KCNMA1: variants seen among roughly 807,000 people sequenced by gnomAD.
KCNMA1 encodes the protein potassium calcium-activated channel subfamily M alpha 1, also known as Calcium-activated potassium channel subunit alpha-1.
In KCNMA1, 29 loss-of-function variants were observed where a neutral mutation model predicts 140.0. The ratio of observed to expected loss-of-function variants is 0.21; its 90% CI spans 0.15 to 0.28. KCNMA1 has a LOEUF of 0.28. KCNMA1 is among the 10% of genes least tolerant of loss of function. KCNMA1 has a pLI of 1.00. For synonymous variants in KCNMA1, 612 were observed against 611.9 expected (o/e 1.00, Z 0.00); for missense variants, 880 against 1,602.2 (o/e 0.55, Z 7.70).
At chr10:77,256,158 T>C (rs1388821311) in intron 2 of KCNMA1, among the ~76,000 whole-genome samples, 1 of 152,154 alleles carries the variant, frequency 6.6e-6, no homozygotes, top group African/African-American at 2.4e-5. Context: ...GATTCAGTGA[T>C]GTGAGTATAG....
At chr10:77,500,720 A>T (rs2043553933) in intron 1 of KCNMA1, among the ~76,000 whole-genome samples, 1 of 152,228 alleles carries the variant, frequency 6.6e-6, no homozygotes, top group South Asian at 2.1e-4. Context: ...ACCCAGTAGC[A>T]GTAGAGGAGT....
intron 2 of KCNMA1, among the ~76,000 whole-genome samples, chr10:77,354,814 T>G (rs1054909153): frequency 6.6e-6 from 1 of 152,214 alleles, no homozygotes; most frequent in Non-Finnish European, 1.5e-5. Flanking sequence ...TGAGTTGTCA[T>G]AGACTGAGCA....
At chr10:76,894,222 G>A (rs2041524595) in intron 25 of KCNMA1, among the ~76,000 whole-genome samples, 1 of 151,970 alleles carries the variant, frequency 6.6e-6, no homozygotes, top group South Asian at 2.1e-4. Context: ...CCATTCAATG[G>A]AGAAGTTAAT....
intron 25 of KCNMA1, among the ~76,000 whole-genome samples, chr10:76,892,895 A>T (rs566272702): frequency 5.3e-4 from 81 of 152,354 alleles, no homozygotes; most frequent in African/African-American, 1.8e-3. Flanking sequence ...ATCCTCATTG[A>T]AATACTTACA....
At chr10:76,947,819 C>T (rs1037813710) in intron 22 of KCNMA1, among the ~76,000 whole-genome samples, 5 of 152,170 alleles carry the variant, frequency 3.3e-5, no homozygotes, top group Admixed American at 6.5e-5. Flanking sequence ...TAATGAGTAA[C>T]ATGTACTGCT....
At chr10:77,078,544 C>A (rs1181833365) in intron 13 of KCNMA1, among the ~76,000 whole-genome samples, 1 of 152,178 alleles carries the variant, frequency 6.6e-6, no homozygotes, top group Non-Finnish European at 1.5e-5. Flanking sequence ...TTACTATTTT[C>A]CTGATTCAAC....
At chr10:76,989,107 G>A (rs1386547032) in intron 19 of KCNMA1, among the ~76,000 whole-genome samples, 2 of 151,548 alleles carry the variant, frequency 1.3e-5, no homozygotes, top group Non-Finnish European at 2.9e-5. Flanking sequence ...ACAATGTTCT[G>A]ATTACTAATA....
intron 2 of KCNMA1, among the ~76,000 whole-genome samples, chr10:77,362,365 CCA>C (rs138917552): frequency 6.7e-5 from 8 of 119,044 alleles, no homozygotes; most frequent in East Asian, 2.6e-4. Flanking sequence ...CCCCCCCACC[CCA>C]CACACACACA....
At chr10:77,393,507 A>G (rs1016582214) in intron 2 of KCNMA1, among the ~76,000 whole-genome samples, 4 of 152,254 alleles carry the variant, frequency 2.6e-5, no homozygotes, top group Non-Finnish European at 5.9e-5. Context: ...CATTTTGTAG[A>G]TGAGGAAACT....
At chr10:77,146,981 G>C (rs960714266) in intron 5 of KCNMA1, among the ~76,000 whole-genome samples, 1 of 152,188 alleles carries the variant, frequency 6.6e-6, no homozygotes, top group African/African-American at 2.4e-5. Flanking sequence ...CCATGGGGAA[G>C]GGGGACTGTG....
chr10:77,514,689 C>T (rs1166531405), intron 1 of KCNMA1, among the ~76,000 whole-genome samples: 1 of 152,164 alleles, frequency 6.6e-6, no homozygotes. Flanking sequence ...TCGCTGAGCA[C>T]CTGGCAGTGG....
At chr10:77,459,077 T>C (rs1337517961) in intron 1 of KCNMA1, among the ~76,000 whole-genome samples, 1 of 152,182 alleles carries the variant, frequency 6.6e-6, no homozygotes, top group Non-Finnish European at 1.5e-5. Context: ...TGGGGGTATT[T>C]GCTGCAGGCA....
chr10:77,242,957 C>T (rs553007502), intron 3 of KCNMA1, among the ~76,000 whole-genome samples: 2 of 151,964 alleles, frequency 1.3e-5, no homozygotes, highest in South Asian at 4.2e-4. Context: ...TTCTCTCCCT[C>T]TCTCTCTTTT....
chr10:77,373,773 T>A (rs537036900), intron 2 of KCNMA1: 22 of 152,376 alleles, frequency 1.4e-4, no homozygotes, highest in African/African-American at 5.3e-4. Context: ...ATTTAATTGA[T>A]GTGGACTTTA....
chr10:77,073,027 T>C (rs1044440471), intron 14 of KCNMA1, 70 bp downstream of exon 14: 15 of 1,424,476 alleles, frequency 1.1e-5, no homozygotes, highest in Non-Finnish European at 1.1e-5. Flanking sequence ...GAGTTTAAGC[T>C]GTGCTCTCTA....
rs547832259 is a variant in KCNMA1, at chr10:77,606,210, T to G, written c.378+31055A>C. On this transcript the variant is annotated intron_variant, in intron 1 of 27. Coordinates refer to ENST00000286628, the MANE Select transcript of KCNMA1 (RefSeq NM_001161352.2). ...GCTGGCTTTAAGTTTTGGGTCCCACTGTCCCACTGTCCTAAGTCCCACTCT... is the reference window on the plus strand; with the variant it reads ...GCTGGCTTTAAGTTTTGGGTCCCACGGTCCCACTGTCCTAAGTCCCACTCT... Among the ~76,000 whole-genome samples, 65 of 152,324 alleles carry G rather than the reference T, an allele frequency of 4.3e-4. No homozygotes were observed. In the East Asian group the frequency reaches 0.012, roughly 28 times the overall value.
intron 5 of KCNMA1, among the ~76,000 whole-genome samples, chr10:77,126,708 G>A (rs1022185956): frequency 8.5e-5 from 5 of 58,516 alleles, no homozygotes; most frequent in African/African-American, 2.7e-4. Flanking sequence ...GTCAGTGGTG[G>A]TGCCCCCCAC....
intron 5 of KCNMA1, among the ~76,000 whole-genome samples, chr10:77,132,370 G>A (rs769715433): frequency 4.6e-5 from 7 of 151,992 alleles, no homozygotes; most frequent in Non-Finnish European, 7.4e-5. Context: ...CAGGAATAAA[G>A]TTTTCCACAT....
chr10:77,382,978 GTGTGTGTGTGTGTGTGTATATATATATA>G (rs1485926718), intron 2 of KCNMA1, among the ~76,000 whole-genome samples: 4 of 70,936 alleles, frequency 5.6e-5, no homozygotes, highest in African/African-American at 3.8e-4. Context: ...GTGTGTGTGT[GTGTGTGTGTGTGTGTGTATATATATATA>G]TATATATATA....
Sources: gnomAD v4.1 joint callset for allele counts (sites outside exome capture counted in the v4.1 genomes callset) on GRCh38, gnomAD v4.1.1 for gene constraint, MANE v1.5 for transcripts, NCBI Gene and HGNC (gene_info 2026-07-23, HGNC 2026-07-21) for gene names.